Variants in MAST4 observed in about 807,000 individuals in gnomAD.
The protein encoded by MAST4 is microtubule-associated serine/threonine-protein kinase 4.
A neutral mutation model predicts 162.7 loss-of-function variants in MAST4; 89 were observed. That is an observed-to-expected ratio of 0.55 (90% confidence interval 0.46 to 0.65). The LOEUF is 0.65. Among genes scored for constraint, MAST4 ranks in the 30% least tolerant of loss-of-function variants. The pLI is 0.00. For synonymous variants in MAST4, 1,479 were observed against 1,361.1 expected (o/e 1.09, Z -1.91); for missense variants, 3,153 against 3,374.0 (o/e 0.93, Z 1.62).
At chr5:66,900,614 G>T (rs1179126931) in intron 4 of MAST4, among the ~76,000 whole-genome samples, 1 of 152,002 alleles carries the variant, frequency 6.6e-6, no homozygotes, top group Non-Finnish European at 1.5e-5. Context: ...CCTCAATTAA[G>T]GTCGAATTTG....
chr5:66,676,732 C>T (rs1448930983), intron 1 of MAST4, among the ~76,000 whole-genome samples: 5 of 152,234 alleles, frequency 3.3e-5, no homozygotes, highest in Middle Eastern at 3.4e-3. Context: ...GTAGTTTTCA[C>T]GTTAAAGGCA....
At chr5:66,600,575 G>GA (rs1325040609) in intron 1 of MAST4, among the ~76,000 whole-genome samples, 7 of 152,260 alleles carry the variant, frequency 4.6e-5, no homozygotes, top group Admixed American at 3.3e-4. Flanking sequence ...GAATGAATGA[G>GA]AAAAAATGGC....
intron 1 of MAST4, among the ~76,000 whole-genome samples, chr5:66,665,377 G>T (rs6896102): frequency 0.29 from 44,046 of 151,996 alleles, 6,815 homozygotes; most frequent in Admixed American, 0.38. Context: ...AGAACAAGAT[G>T]AACATTTCTT....
intron 12 of MAST4, chr5:67,114,557 G>T (rs1001553885): frequency 9.4e-6 from 2 of 212,860 alleles, no homozygotes; most frequent in African/African-American, 4.7e-5. Context: ...GCTCTTGAGA[G>T]TACTTCTAAT....
chr5:66,773,886 G>C (rs1400496300), intron 2 of MAST4, among the ~76,000 whole-genome samples: 2 of 152,186 alleles, frequency 1.3e-5, no homozygotes. Flanking sequence ...TGTGACTGCT[G>C]TAAATTATTA....
At chr5:67,068,062 C>T (rs1760457697) in intron 5 of MAST4, among the ~76,000 whole-genome samples, 1 of 152,190 alleles carries the variant, frequency 6.6e-6, no homozygotes, top group Admixed American at 6.5e-5. Flanking sequence ...CTGCATCTTG[C>T]ACCCCTCCCA....
At chr5:66,740,938 A>G (rs908378087) in intron 1 of MAST4, among the ~76,000 whole-genome samples, 2 of 152,206 alleles carry the variant, frequency 1.3e-5, no homozygotes, top group African/African-American at 2.4e-5. Flanking sequence ...ATAATACCAC[A>G]TCAGAGGGTT....
At position 67,054,434 on chromosome 5, in the gene MAST4, A is replaced by G; in HGVS notation, c.705A>G (p.Ile235Met). The G allele has an allele frequency of 1.2e-6, 2 of 1,609,964 alleles. No homozygotes were observed. Among genetic ancestry groups the G allele is most frequent in the South Asian group, 1.1e-5 (1 of 90,066 alleles). ...FCRTSNRKSL[I>M]GNGQSPALPR... ...GAACAAGCAACCGGAAAAGCTTAATAGGCAATGGGCAGTCACCAGCATTGC... is the reference window on the plus strand; with the variant it reads ...GAACAAGCAACCGGAAAAGCTTAATGGGCAATGGGCAGTCACCAGCATTGC... Residue 235 changes from isoleucine (I) to methionine (M), a missense_variant, in exon 5 of 29, where the codon ATA (isoleucine) becomes ATG (methionine). By Grantham distance (10) the Ile-to-Met change is conservative. This residue lies in a region of MAST4 where 327 missense variants were observed against 336.5 expected (regional missense o/e 0.97). Coordinates refer to ENST00000403625, the MANE Select transcript of MAST4 (RefSeq NM_001164664.2).
chr5:66,831,957 A>G (rs1014418819), intron 3 of MAST4, among the ~76,000 whole-genome samples: 7 of 152,094 alleles, frequency 4.6e-5, no homozygotes, highest in African/African-American at 1.7e-4. Flanking sequence ...ATATTTTTTA[A>G]CTGTCAGGGA....
chr5:67,133,413 A>T (rs1451351078), intron 16 of MAST4, 101 bp from the exon 17 acceptor site: 3 of 1,301,736 alleles, frequency 2.3e-6, no homozygotes, highest in African/African-American at 1.5e-5. Context: ...TGATGCCCAT[A>T]TATTAAATAG....
rs143322801 is a variant in MAST4 at position 66,909,719 on chromosome 5, C to T, written c.674+9737C>T. Among the ~76,000 whole-genome samples the T allele has an allele frequency of 2.0e-3, 305 of 152,234 alleles. 2 individuals are homozygous for T. The highest frequency in any genetic ancestry group is 7.2e-3 in the African/African-American group (297 of 41,530). ...TCAACAAGGGAGTGGGTACTGATAG[C>T]GTTTGGCTGTGTCTCCACCCAAATC... On this transcript the variant is annotated intron_variant, in intron 4 of 28. Coordinates refer to ENST00000403625, the MANE Select transcript of MAST4 (RefSeq NM_001164664.2).
chr5:66,812,893 G>C lies in MAST4; in HGVS notation c.642+24099G>C, dbSNP rs143679871. 2.0e-5 allele frequency among the ~76,000 whole-genome samples: 3 copies of C among 152,278 alleles called. No homozygotes were observed. The East Asian group carries it at 5.8e-4, about 29-fold the overall frequency. On this transcript the variant is annotated intron_variant, in intron 3 of 28. Coordinates refer to ENST00000403625, the MANE Select transcript of MAST4 (RefSeq NM_001164664.2). ...TCACCACCTCTCTTGCAGTTTAGAA[G>C]TGTATTATTTATGGGAAATAAAAAG...
rs569502899 is a variant in MAST4, at chr5:67,064,311, G to A, written c.763+9819G>A. On this transcript the variant is annotated intron_variant, in intron 5 of 28. Coordinates refer to ENST00000403625, the MANE Select transcript of MAST4 (RefSeq NM_001164664.2). Reference sequence around the variant, plus strand: ...CCATAGAATCCAAGAGCAGACGGGTGCCCACAATGAGGGAGGCGTCCATCT... The same window carrying A: ...CCATAGAATCCAAGAGCAGACGGGTACCCACAATGAGGGAGGCGTCCATCT... Among the ~76,000 whole-genome samples, 15 of 152,246 alleles carry A rather than the reference G, an allele frequency of 9.9e-5. No individual in the cohort carries two copies. The South Asian group carries it at 2.7e-3, about 27-fold the overall frequency.
At chr5:66,625,833 G>A (rs578256952) in intron 1 of MAST4, among the ~76,000 whole-genome samples, 1 of 152,174 alleles carries the variant, frequency 6.6e-6, no homozygotes, top group South Asian at 2.1e-4. Flanking sequence ...AGAGATACTT[G>A]CACTCATGTT....
intron 1 of MAST4, among the ~76,000 whole-genome samples, chr5:66,755,472 C>A (rs1753480074): frequency 6.6e-6 from 1 of 152,124 alleles, no homozygotes; most frequent in South Asian, 2.1e-4. Flanking sequence ...GTGGACAGTT[C>A]TAATATGCCT....
At chr5:66,654,213 T>C (rs1746407662) in intron 1 of MAST4, among the ~76,000 whole-genome samples, 1 of 152,204 alleles carries the variant, frequency 6.6e-6, no homozygotes, top group Non-Finnish European at 1.5e-5. Context: ...TGTTTAATAA[T>C]GTCCTGATGC....
chr5:67,077,930 T>C (rs1761863709), intron 5 of MAST4, among the ~76,000 whole-genome samples: 1 of 151,996 alleles, frequency 6.6e-6, no homozygotes, highest in South Asian at 2.1e-4. Context: ...TGAAACCCCC[T>C]CTCTACTAAA....
intron 4 of MAST4, among the ~76,000 whole-genome samples, chr5:67,006,716 G>C (rs559062687): frequency 6.6e-6 from 1 of 152,204 alleles, no homozygotes; most frequent in African/African-American, 2.4e-5. Context: ...TCAGATGCAG[G>C]AGGATTCTCA....
At chr5:66,736,242 C>T (rs769748760) in intron 1 of MAST4, among the ~76,000 whole-genome samples, 1 of 152,064 alleles carries the variant, frequency 6.6e-6, no homozygotes, top group Non-Finnish European at 1.5e-5. Flanking sequence ...CACTTATACT[C>T]CAACTAAGAA....
Sources: gnomAD v4.1 joint callset for allele counts (sites outside exome capture counted in the v4.1 genomes callset) on GRCh38, gnomAD v4.1.1 for gene constraint, gnomAD v4.1.1 regional missense constraint, MANE v1.5 for transcripts, NCBI Gene and HGNC (gene_info 2026-07-23, HGNC 2026-07-21) for gene names.